The following PDE11A variants were observed in gnomAD, a reference collection of about 807,000 sequenced individuals.
PDE11A encodes the protein phosphodiesterase 11A.
In PDE11A, 100 loss-of-function variants were observed where a neutral mutation model predicts 100.5. That is an observed-to-expected ratio of 1.00 (90% CI 0.85 to 1.18). The LOEUF (loss-of-function observed/expected upper bound fraction) is 1.18. Among genes scored for constraint, PDE11A ranks in the 50% most tolerant of loss-of-function variants. The pLI is 0.00. For synonymous variants in PDE11A, 381 were observed against 420.8 expected (o/e 0.91, Z 1.16); for missense variants, 1,141 against 1,152.6 (o/e 0.99, Z 0.15).
At chr2:177,742,121 G>A (rs1323004941) in intron 10 of PDE11A, among the ~76,000 whole-genome samples, 2 of 152,066 alleles carry the variant, frequency 1.3e-5, no homozygotes, top group Non-Finnish European at 1.5e-5. Flanking sequence ...GCCAGGGAAG[G>A]AGACCCTCTT....
intron 6 of PDE11A, among the ~76,000 whole-genome samples, chr2:177,837,988 T>C (rs1028855961): frequency 2.0e-5 from 3 of 152,164 alleles, no homozygotes; most frequent in African/African-American, 7.2e-5. Flanking sequence ...TGGAAAAAGG[T>C]TTCTTCTCAG....
At chr2:177,795,403 G>A (rs1011415804) in intron 9 of PDE11A, among the ~76,000 whole-genome samples, 11 of 152,152 alleles carry the variant, frequency 7.2e-5, no homozygotes, top group African/African-American at 2.7e-4. Context: ...ATTGGCTCCT[G>A]TTTGCTTCCA....
intron 9 of PDE11A, among the ~76,000 whole-genome samples, chr2:177,788,096 C>A (rs2082567938): frequency 1.3e-5 from 2 of 152,004 alleles, no homozygotes; most frequent in Admixed American, 6.6e-5. Context: ...TTCTTTTCAG[C>A]ACCACACCAC....
intron 14 of PDE11A, among the ~76,000 whole-genome samples, chr2:177,699,901 G>T (rs1312572820): frequency 6.6e-6 from 1 of 152,170 alleles, no homozygotes; most frequent in Non-Finnish European, 1.5e-5. Context: ...AGTGGGGTTT[G>T]TTTCCCTGAG....
intron 3 of PDE11A, among the ~76,000 whole-genome samples, chr2:177,904,214 C>T (rs2084742560): frequency 6.6e-6 from 1 of 152,118 alleles, no homozygotes; most frequent in Non-Finnish European, 1.5e-5. Context: ...GAGTACTAGA[C>T]TTTGCCTTTT....
At position 178,062,605 on chromosome 2, in the gene PDE11A, C is replaced by T. The variant is rs553968812; in HGVS notation, c.912+8921G>A. Among the ~76,000 whole-genome samples the T allele has an allele frequency of 1.6e-4, 25 of 152,240 alleles. 1 individual carries two copies. The South Asian group carries it at 1.7e-3, about 10-fold the overall frequency. ...GTCCCAAGCCTGCAGTTCTTAATGC[C>T]ATTACAGCTGTTATGAAAACTTTAA... On this transcript the variant is annotated intron_variant, in intron 1 of 19. Coordinates refer to ENST00000286063, the MANE Select transcript of PDE11A (RefSeq NM_016953.4).
chr2:177,884,967 T>C (rs2084403262), intron 4 of PDE11A, among the ~76,000 whole-genome samples: 1 of 152,134 alleles, frequency 6.6e-6, no homozygotes, highest in Non-Finnish European at 1.5e-5. Flanking sequence ...GATGGTTCTA[T>C]TGGCTAAATA....
At chr2:177,990,929 G>A (rs1574327127) in intron 2 of PDE11A, among the ~76,000 whole-genome samples, 1 of 150,904 alleles carries the variant, frequency 6.6e-6, no homozygotes, top group South Asian at 2.1e-4. Context: ...AGGAGGTAGA[G>A]GTTGTGGTGA....
At chr2:177,944,757 G>T (rs1227621442) in intron 2 of PDE11A, among the ~76,000 whole-genome samples, 1 of 151,356 alleles carries the variant, frequency 6.6e-6, no homozygotes, top group Non-Finnish European at 1.5e-5. Context: ...TGGAGCCTCC[G>T]AGGCCGAGGA....
At chr2:177,806,890 T>C (rs1480341601) in intron 9 of PDE11A, among the ~76,000 whole-genome samples, 1 of 152,098 alleles carries the variant, frequency 6.6e-6, no homozygotes, top group Admixed American at 6.6e-5. Context: ...TCAAAATTTA[T>C]AGAACTGAAA....
At chr2:178,021,713 G>A (rs1329117580) in intron 1 of PDE11A, among the ~76,000 whole-genome samples, 1 of 152,168 alleles carries the variant, frequency 6.6e-6, no homozygotes, top group African/African-American at 2.4e-5. Flanking sequence ...CTAGTCTAAG[G>A]TCAGACAATA....
At position 177,737,326 on chromosome 2, in the gene PDE11A, C is replaced by A. The variant is rs192023385; in HGVS notation, c.1789-9154G>T. Among the ~76,000 whole-genome samples the A allele has an allele frequency of 7.7e-3, 1,170 of 151,776 alleles. 4 individuals are homozygous for A. Among genetic ancestry groups the A allele is most frequent in the Non-Finnish European group, 0.011 (760 of 67,934 alleles). ...GGGTGCGGTGGCTCACACCTGTAAT[C>A]TCAGCACTTTGGGAGGCTGAAGTGG... On this transcript the variant is annotated intron_variant, in intron 10 of 19. Transcript: ENST00000286063.
intron 5 of PDE11A, among the ~76,000 whole-genome samples, chr2:177,870,226 C>G (rs939829195): frequency 1.9e-4 from 29 of 152,172 alleles, no homozygotes; most frequent in African/African-American, 7.0e-4. Context: ...GAAATGGGAC[C>G]AGTTTTCCAA....
chr2:177,920,235 A>G (rs1227949480), intron 2 of PDE11A, among the ~76,000 whole-genome samples: 4 of 152,098 alleles, frequency 2.6e-5, no homozygotes, highest in African/African-American at 4.8e-5. Context: ...GAAAACATCT[A>G]TATCTCAATA....
At chr2:178,068,006 C>A (rs572570366) in intron 1 of PDE11A, among the ~76,000 whole-genome samples, 3 of 152,158 alleles carry the variant, frequency 2.0e-5, no homozygotes, top group African/African-American at 7.2e-5. Context: ...ATTATCAACA[C>A]TGACAAAAAT....
At chr2:178,077,142 G>C (rs2087217241), upstream of PDE11A, among the ~76,000 whole-genome samples, 1 of 152,088 alleles carries the variant, frequency 6.6e-6, no homozygotes, top group African/African-American at 2.4e-5. Flanking sequence ...TCAGTTGAGA[G>C]AGGGACAAGG....
intron 2 of PDE11A, among the ~76,000 whole-genome samples, chr2:177,964,686 A>G (rs1423976117): frequency 6.6e-6 from 1 of 152,200 alleles, no homozygotes; most frequent in East Asian, 1.9e-4. Flanking sequence ...AATAGACTCC[A>G]GCTCCATCCA....
At chr2:178,069,996 G>A (rs1307826904) in intron 1 of PDE11A, among the ~76,000 whole-genome samples, 1 of 151,708 alleles carries the variant, frequency 6.6e-6, no homozygotes, top group Non-Finnish European at 1.5e-5. Context: ...CAAAAAGGAT[G>A]TGGGAAAAAA....
chr2:178,039,079 A>G (rs905459791), intron 1 of PDE11A: 1 of 152,190 alleles, frequency 6.6e-6, no homozygotes, highest in Admixed American at 6.5e-5. Flanking sequence ...ACGAGTGTTC[A>G]TTGAAGCCCT....
Sources: allele counts gnomAD v4.1 joint callset (sites outside exome capture counted in the v4.1 genomes callset), GRCh38; gene constraint gnomAD v4.1.1; transcripts MANE v1.5; gene names NCBI Gene and HGNC (gene_info 2026-07-23, HGNC 2026-07-21).